The following HEMK2 variants were observed in gnomAD, a reference collection of about 807,000 sequenced individuals.
HEMK2 encodes the protein methyltransferase HEMK2.
At chr21:28,688,642 T>A in the HEMK2 span, among the ~76,000 whole-genome samples, 1 of 152,052 alleles carries the variant, frequency 6.6e-6, no homozygotes, top group East Asian at 1.9e-4. Context: ...AAAAATATAC[T>A]TAGCATTATT....
chr21:28,788,125 T>C, the HEMK2 span, among the ~76,000 whole-genome samples: 527 of 151,218 alleles, frequency 3.5e-3, 10 homozygotes, highest in Non-Finnish European at 3.0e-3. Context: ...TATATGTATA[T>C]ATGTGTATAT....
the HEMK2 span, among the ~76,000 whole-genome samples, chr21:28,655,532 T>C: frequency 6.6e-6 from 1 of 152,098 alleles, no homozygotes; most frequent in Non-Finnish European, 1.5e-5. Flanking sequence ...CTCAGACTGG[T>C]GGGTAAAACC....
the HEMK2 span, among the ~76,000 whole-genome samples, chr21:28,609,559 A>C: frequency 1.5e-5 from 2 of 131,712 alleles, no homozygotes; most frequent in African/African-American, 6.2e-5. Flanking sequence ...AAACCTCTGA[A>C]TTGCCAGGAA....
the HEMK2 span, among the ~76,000 whole-genome samples, chr21:28,636,780 G>C: frequency 6.6e-6 from 1 of 152,252 alleles, no homozygotes; most frequent in East Asian, 1.9e-4. Flanking sequence ...TGTGATGCTC[G>C]ATCCAAACAA....
At chr21:28,771,518 A>C in the HEMK2 span, among the ~76,000 whole-genome samples, 826 of 105,218 alleles carry the variant, frequency 7.9e-3, no homozygotes, top group African/African-American at 0.018. Flanking sequence ...AAGATGCACC[A>C]CCCCCCCCCG....
chr21:28,653,122 C>T, the HEMK2 span, among the ~76,000 whole-genome samples: 1 of 151,948 alleles, frequency 6.6e-6, no homozygotes, highest in African/African-American at 2.4e-5. Context: ...GTGAGTTAGC[C>T]CTGCTCCACA....
the HEMK2 span, among the ~76,000 whole-genome samples, chr21:28,589,687 T>G: frequency 6.6e-6 from 1 of 152,102 alleles, no homozygotes; most frequent in Non-Finnish European, 1.5e-5. Context: ...AGATTTGAGT[T>G]GGAAAAATCA....
the HEMK2 span, among the ~76,000 whole-genome samples, chr21:28,838,994 TATATATAC>T: frequency 0.075 from 5,320 of 71,268 alleles, 351 homozygotes; most frequent in East Asian, 0.17. Context: ...TATATATATA[TATATATAC>T]ATATATATAC....
chr21:28,585,389 T>C, the HEMK2 span, among the ~76,000 whole-genome samples: 16 of 151,574 alleles, frequency 1.1e-4, no homozygotes, highest in South Asian at 8.3e-4. Flanking sequence ...CCAATAAATG[T>C]ATCACCTTCA....
the HEMK2 span, among the ~76,000 whole-genome samples, chr21:28,801,137 A>G: frequency 0.2 from 31,010 of 152,158 alleles, 3,439 homozygotes; most frequent in East Asian, 0.4. Context: ...TGTCCTGAGT[A>G]CATGAGGTAT....
At chr21:28,840,826 G>C in the HEMK2 span, among the ~76,000 whole-genome samples, 2 of 150,458 alleles carry the variant, frequency 1.3e-5, no homozygotes, top group Non-Finnish European at 2.9e-5. Flanking sequence ...AATACCATTT[G>C]ATCCAGCAAT....
the HEMK2 span, among the ~76,000 whole-genome samples, chr21:28,745,259 T>C: frequency 6.6e-6 from 1 of 152,236 alleles, no homozygotes; most frequent in Non-Finnish European, 1.5e-5. Flanking sequence ...CAGTATGCAG[T>C]ATTTCAGATT....
chr21:28,581,872 C>A, the HEMK2 span, among the ~76,000 whole-genome samples: 2 of 152,180 alleles, frequency 1.3e-5, no homozygotes, highest in Non-Finnish European at 2.9e-5. Flanking sequence ...CAGTGTGAAG[C>A]TTGCAATGGC....
chr21:28,815,125 C>T, the HEMK2 span, among the ~76,000 whole-genome samples: 1 of 150,006 alleles, frequency 6.7e-6, no homozygotes, highest in East Asian at 2.0e-4. Flanking sequence ...CAAACTATCG[C>T]AAGGACAAAA....
At chr21:28,656,717 CAA>C in the HEMK2 span, among the ~76,000 whole-genome samples, 1 of 152,012 alleles carries the variant, frequency 6.6e-6, no homozygotes, top group Non-Finnish European at 1.5e-5. Flanking sequence ...ACAAAGGAGG[CAA>C]AGAGTCCACA....
At chr21:28,819,903 T>G in the HEMK2 span, among the ~76,000 whole-genome samples, 1 of 152,176 alleles carries the variant, frequency 6.6e-6, no homozygotes, top group African/African-American at 2.4e-5. Flanking sequence ...CTTTACTTAG[T>G]ACTTTTATCT....
the HEMK2 span, among the ~76,000 whole-genome samples, chr21:28,671,666 C>T: frequency 6.6e-6 from 1 of 152,134 alleles, no homozygotes; most frequent in African/African-American, 2.4e-5. Flanking sequence ...GTGCTTGATG[C>T]TAATTCCCAA....
At chr21:28,776,575 C>T in the HEMK2 span, among the ~76,000 whole-genome samples, 4 of 152,216 alleles carry the variant, frequency 2.6e-5, no homozygotes, top group South Asian at 6.2e-4. Flanking sequence ...TTGACTCACA[C>T]GATCACAAGG....
chr21:28,742,843 G>A, the HEMK2 span, among the ~76,000 whole-genome samples: 3 of 151,790 alleles, frequency 2.0e-5, no homozygotes, highest in African/African-American at 4.8e-5. Context: ...AGGGAGAAAC[G>A]TTTTTCTAGC....
Sources: allele counts gnomAD v4.1 joint callset (sites outside exome capture counted in the v4.1 genomes callset), GRCh38; gene constraint gnomAD v4.1.1; transcripts MANE v1.5; gene names NCBI Gene and HGNC (gene_info 2026-07-23, HGNC 2026-07-21).